ARMC1: variants seen among roughly 807,000 people sequenced by gnomAD.
ARMC1 encodes the protein armadillo repeat-containing protein 1.
A neutral mutation model predicts 31.4 loss-of-function variants in ARMC1; 16 were observed. The observed-to-expected ratio is 0.51, with a 90% CI of 0.34 to 0.77. ARMC1 has a LOEUF of 0.77. Ranked by LOEUF, ARMC1 falls within the 30% of genes least tolerant of loss-of-function variation. The pLI is 0.01. For missense variants in ARMC1, 259 were observed against 347.5 expected (o/e 0.75, Z 2.02); for synonymous variants, 114 against 118.9 (o/e 0.96, Z 0.27).
intron 3 of ARMC1, among the ~76,000 whole-genome samples, chr8:65,618,409 C>G (rs1808321572): frequency 6.6e-6 from 1 of 150,940 alleles, no homozygotes; most frequent in Non-Finnish European, 1.5e-5. Flanking sequence ...GTAGTCCCAG[C>G]TACTCGGGAG....
At chr8:65,618,289 G>A (rs573747261) in intron 3 of ARMC1, among the ~76,000 whole-genome samples, 178 of 152,018 alleles carry the variant, frequency 1.2e-3, no homozygotes, top group African/African-American at 4.2e-3. Context: ...TTGGGAGGCC[G>A]AGGCAGGTGG....
chr8:65,618,767 G>C (rs1041352144), intron 3 of ARMC1, among the ~76,000 whole-genome samples: 1 of 152,020 alleles, frequency 6.6e-6, no homozygotes, highest in Non-Finnish European at 1.5e-5. Context: ...CTGTCGGGCC[G>C]GGGCGGTGGT....
At chr8:65,606,271 G>C (rs1807999263) in intron 4 of ARMC1, among the ~76,000 whole-genome samples, 1 of 151,522 alleles carries the variant, frequency 6.6e-6, no homozygotes, top group Non-Finnish European at 1.5e-5. Flanking sequence ...TGAGGCAGGA[G>C]AGTCACTTGA....
intron 2 of ARMC1, among the ~76,000 whole-genome samples, chr8:65,623,383 C>T (rs1172045256): frequency 1.3e-5 from 2 of 150,182 alleles, no homozygotes; most frequent in Non-Finnish European, 3.0e-5. Context: ...CCAAGGCAGG[C>T]CGATCACTTA....
At position 65,604,588 on chromosome 8, in the gene ARMC1, G is replaced by A. The variant is rs757300643; in HGVS notation, c.658-3C>T. On this transcript the variant is annotated splice_region_variant and splice_polypyrimidine_tract_variant and intron_variant, in intron 6 of 6. Transcript: ENST00000276569. Reference sequence around the variant, plus strand: ...GTATCTTGGAATGGGACCAACATCTGATACAGAAAATATTGAGAGTTATTA... The same window carrying A: ...GTATCTTGGAATGGGACCAACATCTAATACAGAAAATATTGAGAGTTATTA... The A allele has an allele frequency of 3.7e-6, 6 of 1,610,934 alleles. 1 individual carries two copies. The South Asian group carries it at 6.6e-5, about 18-fold the overall frequency.
At position 65,604,538 on chromosome 8, in the gene ARMC1, T is replaced by C; in HGVS notation, c.705A>G (p.Thr235=). ...CCTCAGGCAGGTAGTCAGGTAGCTCTGTGTTCTGTTCAACTTCCACAGGAG... is the reference window on the plus strand; with the variant it reads ...CCTCAGGCAGGTAGTCAGGTAGCTCCGTGTTCTGTTCAACTTCCACAGGAG... ...QDTPVEVEQN[T]ELPDYLPEDE... is the part of the protein sequence containing the mutation. Residue 235 remains threonine (T), a synonymous_variant, in exon 7 of 7, where the codon ACA becomes ACG. Transcript: ENST00000276569. The C allele has an allele frequency of 1.2e-6, 2 of 1,614,072 alleles. No individual in the cohort carries two copies. Among genetic ancestry groups the C allele is most frequent in the South Asian group, 1.1e-5 (1 of 91,080 alleles).
chr8:65,621,486 A>G (rs1426984214), intron 3 of ARMC1, among the ~76,000 whole-genome samples: 1 of 152,192 alleles, frequency 6.6e-6, no homozygotes, highest in Non-Finnish European at 1.5e-5. Flanking sequence ...GCAGTTACAG[A>G]TGAGAGATCA....
Position 65,616,742 on chromosome 8 carries a change from G to A in ARMC1, c.276-3309C>T, listed in dbSNP as rs879300188. Among the ~76,000 whole-genome samples, 164 of 149,588 alleles carry A rather than the reference G, an allele frequency of 1.1e-3. 2 individuals carry two copies. Among genetic ancestry groups the A allele is most frequent in the Admixed American group, 7.9e-3 (119 of 15,032 alleles). Reference sequence around the variant, plus strand: ...GAGATGTGGGGAGCGCCTCTGCCCCGCCGCCCCGTCTGGGATGTGAGGAGC... The same window carrying A: ...GAGATGTGGGGAGCGCCTCTGCCCCACCGCCCCGTCTGGGATGTGAGGAGC... On this transcript the variant is annotated intron_variant, in intron 3 of 6. Transcript: ENST00000276569.
intron 2 of ARMC1, among the ~76,000 whole-genome samples, chr8:65,624,498 C>CAAAAAA (rs538324950): frequency 4.2e-5 from 4 of 95,414 alleles, no homozygotes; most frequent in South Asian, 4.7e-4. Context: ...GACTCCATCT[C>CAAAAAA]AAAAAAAAAA....
intron 1 of ARMC1, among the ~76,000 whole-genome samples, chr8:65,631,169 A>G (rs1365158584): frequency 6.6e-6 from 1 of 152,024 alleles, no homozygotes; most frequent in African/African-American, 2.4e-5. Context: ...GTTAAGACTC[A>G]TTTTTCTTAC....
At chr8:65,607,645 C>T (rs995487946) in intron 4 of ARMC1, among the ~76,000 whole-genome samples, 3 of 152,134 alleles carry the variant, frequency 2.0e-5, no homozygotes, top group African/African-American at 7.2e-5. Context: ...ACATTAGGTG[C>T]TCCTTTTTAT....
chr8:65,632,600 G>A (rs551500258), intron 1 of ARMC1, among the ~76,000 whole-genome samples: 141 of 152,112 alleles, frequency 9.3e-4, no homozygotes, highest in African/African-American at 3.3e-3. Flanking sequence ...GCAACAGAGC[G>A]AGATACCGTC....
intron 2 of ARMC1, among the ~76,000 whole-genome samples, chr8:65,622,772 C>A (rs550558605): frequency 6.6e-6 from 1 of 151,282 alleles, no homozygotes; most frequent in African/African-American, 2.4e-5. Context: ...ACCTATAATC[C>A]CAGCACTTTG....
intron 1 of ARMC1, among the ~76,000 whole-genome samples, 196 bp from the exon 2 acceptor site, chr8:65,627,629 A>T (rs952172690): frequency 6.6e-6 from 1 of 152,240 alleles, no homozygotes; most frequent in Admixed American, 6.5e-5. Flanking sequence ...TTGTGTGCAC[A>T]ATGTTTAAAG....
chr8:65,618,025 C>T (rs1320435225), intron 3 of ARMC1, among the ~76,000 whole-genome samples: 1 of 152,026 alleles, frequency 6.6e-6, no homozygotes, highest in African/African-American at 2.4e-5. Context: ...AAGCGATTTT[C>T]CTGTCTCAGC....
chr8:65,622,266 T>G lies in ARMC1; in HGVS notation c.272A>C (p.Gln91Pro). Residue 91 changes from glutamine to proline, a missense_variant, in exon 3 of 7, where the codon CAG becomes CCG. Coordinates refer to ENST00000276569, the MANE Select transcript of ARMC1 (RefSeq NM_018120.6). ...GMMLSLQNVI[Q>P]KTTTPGETKL... ...AGACACTGTCTATTGTACTTACTTC[T>G]GTATAACATTTTGTAAGCTCAACAT... 1 of 1,608,722 alleles carries G rather than the reference T, an allele frequency of 6.2e-7. No individual in the cohort carries two copies. Among genetic ancestry groups the G allele is most frequent in the Non-Finnish European group, 8.5e-7 (1 of 1,175,254 alleles).
intron 2 of ARMC1, among the ~76,000 whole-genome samples, chr8:65,625,730 T>G (rs1160552042): frequency 6.6e-6 from 1 of 152,106 alleles, no homozygotes; most frequent in East Asian, 1.9e-4. Flanking sequence ...ACTGCTAAAC[T>G]TCATTCTGTA....
intron 1 of ARMC1, among the ~76,000 whole-genome samples, chr8:65,630,870 G>C (rs1808629103): frequency 2.0e-5 from 3 of 151,980 alleles, no homozygotes; most frequent in Admixed American, 2.0e-4. Flanking sequence ...GCACTGATAA[G>C]GATTGGGCTC....
chr8:65,611,238 C>T (rs995504668), intron 4 of ARMC1, among the ~76,000 whole-genome samples: 6 of 152,048 alleles, frequency 3.9e-5, no homozygotes, highest in Non-Finnish European at 8.8e-5. Context: ...CCGGCCCTCA[C>T]TTACCCTTTT....
Sources: allele counts gnomAD v4.1 joint callset (sites outside exome capture counted in the v4.1 genomes callset), GRCh38; gene constraint gnomAD v4.1.1; transcripts MANE v1.5; gene names NCBI Gene and HGNC (gene_info 2026-07-23, HGNC 2026-07-21).